Variants in CCDC148 observed in about 807,000 individuals in gnomAD.
CCDC148 encodes coiled-coil domain-containing protein 148.
Under a neutral mutation model 85.7 loss-of-function variants are expected in CCDC148, and 89 were observed. The observed-to-expected ratio is 1.04, with a 90% CI of 0.87 to 1.24. The LOEUF is 1.24. CCDC148 is among the 50% of genes most tolerant of loss of function. The pLI is 0.00. For synonymous variants in CCDC148, 230 were observed against 213.9 expected, an observed-to-expected ratio of 1.08 and a Z score of -0.66; for missense variants, 692 against 671.7, an observed-to-expected ratio of 1.03 and a Z score of -0.33.
intron 5 of CCDC148, among the ~76,000 whole-genome samples, chr2:158,339,595 T>C (rs1359820256): frequency 1.3e-5 from 2 of 151,990 alleles, no homozygotes; most frequent in Non-Finnish European, 2.9e-5. Flanking sequence ...TAAAAAAATA[T>C]GTAAGAAAGG....
In CCDC148 at chr2:158,206,515, G is replaced by A. The variant is rs544886819; in HGVS notation, c.1370+14080C>T. On this transcript the variant is annotated intron_variant, in intron 11 of 13. Transcript: ENST00000283233. ...GCCCTGCTCAGAAATGTCCCTGAAAGGGGATGGAGGAGGGAAATTTACCAT... is the reference window on the plus strand; with the variant it reads ...GCCCTGCTCAGAAATGTCCCTGAAAAGGGATGGAGGAGGGAAATTTACCAT... 2.0e-4 allele frequency among the ~76,000 whole-genome samples: 30 copies of A among 152,344 alleles called. No homozygotes were observed. In the East Asian group the frequency reaches 5.4e-3, roughly 27 times the overall value.
intron 1 of CCDC148, among the ~76,000 whole-genome samples, chr2:158,379,558 T>C (rs1426311434): frequency 6.6e-6 from 1 of 152,152 alleles, no homozygotes; most frequent in African/African-American, 2.4e-5. Context: ...CACAGAAATC[T>C]TTCATGAAAG....
At chr2:158,434,358 G>C (rs1396330607) in intron 1 of CCDC148, among the ~76,000 whole-genome samples, 1 of 152,178 alleles carries the variant, frequency 6.6e-6, no homozygotes, top group African/African-American at 2.4e-5. Flanking sequence ...CAAGCAAACA[G>C]GGTCTGGAGT....
At chr2:158,173,292 G>A (rs1049523844) in intron 13 of CCDC148, among the ~76,000 whole-genome samples, 33 of 152,048 alleles carry the variant, frequency 2.2e-4, no homozygotes, top group African/African-American at 7.0e-4. Context: ...TTTGAGCAGA[G>A]TACTGGTTAC....
intron 7 of CCDC148, among the ~76,000 whole-genome samples, chr2:158,328,360 T>G (rs1692900946): frequency 6.6e-6 from 1 of 152,200 alleles, no homozygotes; most frequent in South Asian, 2.1e-4. Flanking sequence ...TTTTTATGGC[T>G]GCATAGTGTT....
rs574260568 is a variant in CCDC148 at position 158,351,136 on chromosome 2, C to T, written c.148-5818G>A. ...ATGGTTTTTATTGCAGTTTATACTT[C>T]GGATAATTTTACTTCCAGGCTTATT... On this transcript the variant is annotated intron_variant, in intron 2 of 13. Coordinates refer to ENST00000283233, the MANE Select transcript of CCDC148 (RefSeq NM_138803.4). Among the ~76,000 whole-genome samples, 13 of 152,230 alleles carry T rather than the reference C, an allele frequency of 8.5e-5. No individual in the cohort carries two copies. In the South Asian group the frequency reaches 1.2e-3, roughly 15 times the overall value.
chr2:158,317,095 G>GA (rs1301959945), intron 7 of CCDC148, among the ~76,000 whole-genome samples: 1 of 152,050 alleles, frequency 6.6e-6, no homozygotes, highest in Non-Finnish European at 1.5e-5. Flanking sequence ...CACAGACAGT[G>GA]AAAAATATTC....
At chr2:158,377,864 G>T (rs952163395) in intron 1 of CCDC148, among the ~76,000 whole-genome samples, 29 of 152,086 alleles carry the variant, frequency 1.9e-4, no homozygotes, top group Admixed American at 1.3e-3. Flanking sequence ...TAAATGTTGT[G>T]TGTATTCTGA....
intron 9 of CCDC148, among the ~76,000 whole-genome samples, chr2:158,281,389 T>C (rs1690290251): frequency 9.9e-5 from 15 of 151,688 alleles, no homozygotes; most frequent in Admixed American, 6.6e-5. Flanking sequence ...GGCAGACTAA[T>C]AAAGTAGAAA....
At chr2:158,224,190 G>A (rs1029466478) in intron 10 of CCDC148, among the ~76,000 whole-genome samples, 30 of 152,148 alleles carry the variant, frequency 2.0e-4, no homozygotes, top group East Asian at 1.9e-4. Flanking sequence ...CTCAGTAGCC[G>A]ATCAACTGGA....
At chr2:158,217,646 C>T (rs1686958497) in intron 11 of CCDC148, among the ~76,000 whole-genome samples, 1 of 150,854 alleles carries the variant, frequency 6.6e-6, no homozygotes, top group Non-Finnish European at 1.5e-5. Context: ...CCTTGTGATC[C>T]ACCTGCCTTG....
At chr2:158,454,952 T>C (rs1419296735) in intron 1 of CCDC148, among the ~76,000 whole-genome samples, 1 of 152,212 alleles carries the variant, frequency 6.6e-6, no homozygotes, top group Non-Finnish European at 1.5e-5. Flanking sequence ...AAAATAGTCA[T>C]CTGAGAAAAA....
At chr2:158,437,795 T>C (rs1350653091) in intron 1 of CCDC148, among the ~76,000 whole-genome samples, 1 of 152,162 alleles carries the variant, frequency 6.6e-6, no homozygotes, top group East Asian at 1.9e-4. Context: ...GGATACAAAA[T>C]CAATGTGCAA....
chr2:158,343,427 G>T (rs73968921), intron 3 of CCDC148, among the ~76,000 whole-genome samples: 9,644 of 152,218 alleles, frequency 0.063, 408 homozygotes, highest in East Asian at 0.16. Context: ...CGACTACTTT[G>T]TAGGGTCGTT....
intron 7 of CCDC148, among the ~76,000 whole-genome samples, chr2:158,332,284 A>G (rs1445849114): frequency 1.3e-5 from 2 of 151,748 alleles, no homozygotes; most frequent in African/African-American, 4.9e-5. Flanking sequence ...TTAGCTGGAT[A>G]TGAAATTCTG....
intron 1 of CCDC148, among the ~76,000 whole-genome samples, chr2:158,385,500 G>A (rs1021859258): frequency 6.6e-6 from 1 of 152,010 alleles, no homozygotes; most frequent in Non-Finnish European, 1.5e-5. Context: ...CTTTAAAAAA[G>A]CAATGCCAAG....
At chr2:158,272,113 C>T (rs527413122) in intron 9 of CCDC148, among the ~76,000 whole-genome samples, 52 of 152,282 alleles carry the variant, frequency 3.4e-4, no homozygotes, top group Non-Finnish European at 6.0e-4. Context: ...TATAAGTTAG[C>T]TCTTAGATGA....
At chr2:158,374,657 TTA>T (rs71793755) in intron 1 of CCDC148, among the ~76,000 whole-genome samples, 26,837 of 151,722 alleles carry the variant, frequency 0.18, 3,889 homozygotes, top group African/African-American at 0.4. Flanking sequence ...TACAGTGATT[TTA>T]TATATGAGTG....
chr2:158,278,955 A>C (rs938949731), intron 9 of CCDC148, among the ~76,000 whole-genome samples: 3 of 152,192 alleles, frequency 2.0e-5, no homozygotes, highest in Non-Finnish European at 2.9e-5. Context: ...ATCACACAGC[A>C]GCATTCATGG....
Sources: allele counts gnomAD v4.1 joint callset (sites outside exome capture counted in the v4.1 genomes callset), GRCh38; gene constraint gnomAD v4.1.1; transcripts MANE v1.5; gene names NCBI Gene and HGNC (gene_info 2026-07-23, HGNC 2026-07-21).